Variants in ELAPOR1 observed in about 807,000 individuals in gnomAD.
ELAPOR1 encodes endosome-lysosome associated apoptosis and autophagy regulator 1.
ELAPOR1 carries 77 observed loss-of-function variants against 119.7 expected under a neutral mutation model. The ratio of observed to expected loss-of-function variants is 0.64; its 90% CI spans 0.54 to 0.78. The LOEUF (loss-of-function observed/expected upper bound fraction) is 0.78. Ranked by LOEUF, ELAPOR1 falls within the 30% of genes least tolerant of loss-of-function variation. The pLI is 0.00. For missense variants in ELAPOR1, 1,115 were observed against 1,270.4 expected (o/e 0.88, Z 1.86); for synonymous variants, 481 against 487.2 (o/e 0.99, Z 0.17).
At position 109,192,624 on chromosome 1, in the gene ELAPOR1, C is replaced by T; in HGVS notation, c.1697C>T (p.Thr566Ile). ...CCTTGTCTCCAGAGCAGGAAGTACA[C>T]CAATGACGTTGCCAAGATCTACTCC... ...TTFHEASRKY[T>I]NDVAKIYSIN... Residue 566 changes from threonine (T) to isoleucine (I), a missense_variant, in exon 14 of 22, where the codon ACC (threonine) becomes ATC (isoleucine). Coordinates refer to ENST00000369939, the MANE Select transcript of ELAPOR1 (RefSeq NM_020775.5). 1.9e-6 allele frequency: 3 copies of T among 1,613,992 alleles called. No homozygotes were observed. The highest frequency in any genetic ancestry group is 2.5e-6 in the Non-Finnish European group (3 of 1,179,962).
chr1:109,180,412 CA>C (rs1235007024), intron 7 of ELAPOR1, among the ~76,000 whole-genome samples: 6 of 151,946 alleles, frequency 3.9e-5, no homozygotes, highest in Non-Finnish European at 8.8e-5. Context: ...GAGGCTGACG[CA>C]GGAGGATCGT....
At chr1:109,189,483 TG>T in intron 10 of ELAPOR1, 108 bp from the exon 11 acceptor site, 1 of 999,728 alleles carries the variant, frequency 1.0e-6, no homozygotes. Context: ...GTGGTGGTTC[TG>T]GGCGCCTCAA....
Position 109,184,997 on chromosome 1 carries a change from A to G in ELAPOR1, c.953-48A>G, listed in dbSNP as rs777633834. On this transcript the variant is annotated intron_variant, in intron 7 of 21. Coordinates refer to ENST00000369939, the MANE Select transcript of ELAPOR1 (RefSeq NM_020775.5). ...AGGGCCATGAAGAGGCCAGGAGCTC[A>G]GCTTTCTTATGTAACTCCAAATATT... 1.0e-5 allele frequency: 15 copies of G among 1,476,182 alleles called. No homozygotes were observed. The East Asian group carries it at 3.4e-4, about 33-fold the overall frequency. 91.4% of individuals were successfully genotyped at this position (1,476,182 alleles called of 1,614,324 possible). A position where few individuals can be genotyped will look rare whatever the true frequency, so the allele number is the denominator to read the frequency against.
intron 1 of ELAPOR1, among the ~76,000 whole-genome samples, chr1:109,149,477 G>C (rs1013528399): frequency 1.3e-5 from 2 of 152,104 alleles, no homozygotes; most frequent in African/African-American, 2.4e-5. Context: ...GACTGTCCCC[G>C]GTCATGCAGC....
intron 7 of ELAPOR1, among the ~76,000 whole-genome samples, chr1:109,183,614 T>TTCCC (rs1652875367): frequency 1.2e-5 from 1 of 83,326 alleles, no homozygotes; most frequent in Non-Finnish European, 2.4e-5. Flanking sequence ...CCTTCCATCC[T>TTCCC]TCCCTCCTTC....
intron 1 of ELAPOR1, among the ~76,000 whole-genome samples, chr1:109,114,778 GGT>G (rs1647879243): frequency 6.6e-6 from 1 of 152,170 alleles, no homozygotes; most frequent in South Asian, 2.1e-4. Context: ...AGAGCGAAGT[GGT>G]TTTATCATGG....
chr1:109,188,674 G>T (rs1271833293), intron 9 of ELAPOR1, among the ~76,000 whole-genome samples: 1 of 152,184 alleles, frequency 6.6e-6, no homozygotes, highest in African/African-American at 2.4e-5. Context: ...ACAGGGCTGG[G>T]ATGACCAACC....
chr1:109,129,812 A>G (rs1649035938), intron 1 of ELAPOR1, among the ~76,000 whole-genome samples: 1 of 152,226 alleles, frequency 6.6e-6, no homozygotes, highest in African/African-American at 2.4e-5. Flanking sequence ...TAGAAAGGAG[A>G]AATAAGACGT....
intron 1 of ELAPOR1, among the ~76,000 whole-genome samples, chr1:109,120,962 A>T (rs150681312): frequency 0.03 from 4,640 of 152,212 alleles, 95 homozygotes; most frequent in Middle Eastern, 0.048. Context: ...CAGAAATGTC[A>T]CTCAATAAGA....
chr1:109,188,040 C>T (rs972167944), intron 8 of ELAPOR1, 137 bp from the exon 9 acceptor site: 3 of 1,428,608 alleles, frequency 2.1e-6, no homozygotes, highest in Non-Finnish European at 2.8e-6. Flanking sequence ...GTGAGCCACA[C>T]AAAGTTCCCC....
chr1:109,194,402 C>T lies in ELAPOR1; in HGVS notation c.1948-19C>T, dbSNP rs1326194190. 3 of 1,610,858 alleles carry T rather than the reference C, an allele frequency of 1.9e-6. No individual in the cohort carries two copies. Among genetic ancestry groups the T allele is most frequent in the Admixed American group, 1.7e-5 (1 of 59,988 alleles). On this transcript the variant is annotated intron_variant, in intron 14 of 21. Coordinates refer to ENST00000369939, the MANE Select transcript of ELAPOR1 (RefSeq NM_020775.5). ...GCCCTTCCTGACCAGCTGGCCCGACCCGTCCCTCTCCCCCTCAGATCCACT... is the reference window on the plus strand; with the variant it reads ...GCCCTTCCTGACCAGCTGGCCCGACTCGTCCCTCTCCCCCTCAGATCCACT...
intron 1 of ELAPOR1, among the ~76,000 whole-genome samples, chr1:109,161,409 CAAAAAAAAAAAAAA>C (rs59573644): frequency 1.8e-4 from 10 of 56,332 alleles, no homozygotes; most frequent in African/African-American, 6.3e-4. Context: ...GACTCCGTCT[CAAAAAAAAAAAAAA>C]AAAAAAAAAA....
intron 1 of ELAPOR1, among the ~76,000 whole-genome samples, chr1:109,148,375 G>A (rs1450690301): frequency 6.6e-6 from 1 of 151,380 alleles, no homozygotes; most frequent in Non-Finnish European, 1.5e-5. Context: ...CTGACCTCAG[G>A]TGATCCGCCC....
intron 1 of ELAPOR1, among the ~76,000 whole-genome samples, chr1:109,127,729 T>C (rs1648882061): frequency 6.6e-6 from 1 of 152,030 alleles, no homozygotes; most frequent in African/African-American, 2.4e-5. Context: ...CACACTTGGC[T>C]AATTTTTAAA....
At chr1:109,165,464 G>C (rs1016636779) in intron 3 of ELAPOR1, among the ~76,000 whole-genome samples, 25 of 151,656 alleles carry the variant, frequency 1.6e-4, no homozygotes, top group African/African-American at 6.1e-4. Flanking sequence ...GCATACCTGT[G>C]ATCTCAGCGA....
intron 2 of ELAPOR1, among the ~76,000 whole-genome samples, chr1:109,163,057 C>T (rs1651359479): frequency 6.6e-6 from 1 of 152,320 alleles, no homozygotes; most frequent in East Asian, 1.9e-4. Flanking sequence ...GAGCGCAGAG[C>T]CTAGTGGGTG....
intron 18 of ELAPOR1, among the ~76,000 whole-genome samples, chr1:109,199,280 G>C (rs1485589018): frequency 6.6e-6 from 1 of 152,126 alleles, no homozygotes; most frequent in East Asian, 1.9e-4. Context: ...ACATCTTGAC[G>C]GGCACTAGCG....
intron 7 of ELAPOR1, among the ~76,000 whole-genome samples, chr1:109,184,200 C>G (rs948067026): frequency 1.3e-5 from 2 of 152,078 alleles, no homozygotes; most frequent in East Asian, 3.9e-4. Context: ...GGAGAAACTC[C>G]GTCTCTACTA....
intron 5 of ELAPOR1, 72 bp downstream of exon 5, chr1:109,172,640 C>T (rs1651991947): frequency 2.6e-6 from 3 of 1,135,728 alleles, no homozygotes; most frequent in South Asian, 2.5e-5. Flanking sequence ...GAGAGTGCTT[C>T]CTCCCAGTCT....
Sources: allele counts gnomAD v4.1 joint callset (sites outside exome capture counted in the v4.1 genomes callset), GRCh38; gene constraint gnomAD v4.1.1; transcripts MANE v1.5; gene names NCBI Gene and HGNC (gene_info 2026-07-23, HGNC 2026-07-21).